Variants in PNPLA3 observed in about 807,000 individuals in gnomAD.
The protein encoded by PNPLA3 is patatin like domain 3, 1-acylglycerol-3-phosphate O-acyltransferase, also known as 1-acylglycerol-3-phosphate O-acyltransferase PNPLA3.
Under a neutral mutation model 43.1 loss-of-function variants are expected in PNPLA3, and 42 were observed. The ratio of observed to expected loss-of-function variants is 0.97; its 90% CI spans 0.76 to 1.26. The LOEUF (loss-of-function observed/expected upper bound fraction) is 1.26. Ranked by LOEUF, PNPLA3 falls within the 50% of genes most tolerant of loss-of-function variation. The probability of loss-of-function intolerance (pLI) is 0.00; values close to 1 mark genes in which losing one functional copy is unlikely to be tolerated. For synonymous variants in PNPLA3, 272 were observed against 253.6 expected, an observed-to-expected ratio of 1.07 and a Z score of -0.69; for missense variants, 647 against 621.4, an observed-to-expected ratio of 1.04 and a Z score of -0.44.
At chr22:43,938,206 A>G (rs2050008435) in intron 6 of PNPLA3, among the ~76,000 whole-genome samples, 1 of 152,212 alleles carries the variant, frequency 6.6e-6, no homozygotes. Context: ...AACACGGACT[A>G]AGTCAAACAG....
chr22:43,944,423 A>G (rs2050050228), intron 7 of PNPLA3, among the ~76,000 whole-genome samples: 1 of 152,084 alleles, frequency 6.6e-6, no homozygotes, highest in African/African-American at 2.4e-5. Flanking sequence ...GCTCCTCTCC[A>G]AGCTGGGAAG....
intron 7 of PNPLA3, 36 bp from the exon 8 acceptor site, chr22:43,944,655 A>C: frequency 6.5e-7 from 1 of 1,538,734 alleles, no homozygotes; most frequent in Non-Finnish European, 9.0e-7. Context: ...GTGTCTGCCT[A>C]TGTGTGTGTT....
chr22:43,944,590 G>A (rs9614292), intron 7 of PNPLA3, 101 bp from the exon 8 acceptor site: 2 of 913,778 alleles, frequency 2.2e-6, no homozygotes, highest in Non-Finnish European at 3.6e-6. Context: ...GAAGTCATCA[G>A]ATTGGAGGTG....
At chr22:43,943,755 G>C (rs1276401445) in intron 7 of PNPLA3, among the ~76,000 whole-genome samples, 1 of 151,936 alleles carries the variant, frequency 6.6e-6, no homozygotes, top group Non-Finnish European at 1.5e-5. Flanking sequence ...TGTTTACTTT[G>C]TTTTTAGTAA....
At chr22:43,927,705 G>A (rs2049934137) in intron 2 of PNPLA3, among the ~76,000 whole-genome samples, 1 of 151,944 alleles carries the variant, frequency 6.6e-6, no homozygotes, top group Non-Finnish European at 1.5e-5. Context: ...CTCCCAGGCT[G>A]GAGTGCAGTG....
intron 3 of PNPLA3, among the ~76,000 whole-genome samples, chr22:43,929,727 G>C (rs1389459813): frequency 6.6e-6 from 1 of 151,046 alleles, no homozygotes; most frequent in Non-Finnish European, 1.5e-5. Flanking sequence ...CTCCCGAGTA[G>C]CTGGGATTAC....
Position 43,946,476 on chromosome 22 carries a change from C to G in PNPLA3, c.*94C>G, listed in dbSNP as rs913043512. The G allele has an allele frequency of 8.2e-7, 1 of 1,220,900 alleles. No individual in the cohort carries two copies. Among genetic ancestry groups the G allele is most frequent in the Non-Finnish European group, 1.2e-6 (1 of 835,816 alleles). The allele number at this position is 1,220,900 out of a possible 1,614,324, so 75.6% of individuals were successfully genotyped here. A position where few individuals can be genotyped will look rare whatever the true frequency, so the allele number is the denominator to read the frequency against. On this transcript the variant is annotated 3_prime_UTR_variant, in exon 9 of 9. Coordinates refer to ENST00000216180, the MANE Select transcript of PNPLA3 (RefSeq NM_025225.3). ...CCTCCGCATTGCTGTGTAGTGACCC[C>G]TGCCTGTGACGTGGAGGATCCCAGC...
chr22:43,930,950 C>T (rs907163965), intron 3 of PNPLA3, among the ~76,000 whole-genome samples: 2 of 152,098 alleles, frequency 1.3e-5, no homozygotes, highest in African/African-American at 4.8e-5. Context: ...ACAGTGAAAC[C>T]TCATCTCTAC....
intron 1 of PNPLA3, 142 bp from the exon 2 acceptor site, chr22:43,926,793 T>C: frequency 1.5e-6 from 1 of 656,316 alleles, no homozygotes; most frequent in South Asian, 1.9e-5. Flanking sequence ...AAGGGCGTGA[T>C]AGCCACATGT....
Position 43,946,193 on chromosome 22 carries a change from C to T in PNPLA3, c.1257C>T (p.Cys419=). 1 of 1,614,180 alleles carries T rather than the reference C, an allele frequency of 6.2e-7. No homozygotes were observed. Among genetic ancestry groups the T allele is most frequent in the South Asian group, 1.1e-5 (1 of 91,078 alleles). Residue 419 remains cysteine (C), a synonymous_variant, in exon 9 of 9, where the codon TGC becomes TGT. Transcript: ENST00000216180. ...TGAGCAGCCAACAGGCCTCCCCATG[C>T]ACACCTGAGCAGGACTGGCCCTGCT... is the stretch of plus-strand genomic sequence containing the variant. ...MPVSSQQASP[C]TPEQDWPCWT...
In PNPLA3 at chr22:43,936,492, G is replaced by A. The variant is rs575976581; in HGVS notation, c.758-559G>A. On this transcript the variant is annotated intron_variant, in intron 5 of 8. Coordinates refer to ENST00000216180, the MANE Select transcript of PNPLA3 (RefSeq NM_025225.3). The stretch of plus-strand genomic sequence containing the variant: ...TGGCTGAGTCCCAGCACCCAGGACA[G>A]GGCCTGGCACATACTGGTGCCCAAT... Among the ~76,000 whole-genome samples, 10 of 152,314 alleles carry A rather than the reference G, an allele frequency of 6.6e-5. No individual in the cohort carries two copies. The South Asian group carries it at 2.1e-3, about 32-fold the overall frequency.
At chr22:43,936,295 T>C (rs1437171496) in intron 5 of PNPLA3, among the ~76,000 whole-genome samples, 4 of 151,904 alleles carry the variant, frequency 2.6e-5, no homozygotes, top group Non-Finnish European at 5.9e-5. Context: ...CAAGCATGAA[T>C]GTGAGGTTAT....
In PNPLA3 at chr22:43,946,500, G is replaced by A; in HGVS notation, c.*118G>A. The A allele has an allele frequency of 9.8e-7, 1 of 1,022,640 alleles. No individual in the cohort carries two copies. Among genetic ancestry groups the A allele is most frequent in the Non-Finnish European group, 1.5e-6 (1 of 666,108 alleles). The allele number at this position is 1,022,640 out of a possible 1,614,324, so 63.3% of individuals were successfully genotyped here. A position where few individuals can be genotyped will look rare whatever the true frequency, so the allele number is the denominator to read the frequency against. Reference sequence around the variant, plus strand: ...CCTGCCTGTGACGTGGAGGATCCCAGCCTCTGAGCTGAGTTGGTTTTATGA... The same window carrying A: ...CCTGCCTGTGACGTGGAGGATCCCAACCTCTGAGCTGAGTTGGTTTTATGA... On this transcript the variant is annotated 3_prime_UTR_variant, in exon 9 of 9. Coordinates refer to ENST00000216180, the MANE Select transcript of PNPLA3 (RefSeq NM_025225.3).
chr22:43,927,055 C>T lies in PNPLA3; in HGVS notation c.308C>T (p.Pro103Leu), dbSNP rs561981769. Residue 103 changes from proline to leucine, a missense_variant, in exon 2 of 9, where the codon CCG becomes CTG. Pro to Leu is a moderately conservative substitution (Grantham distance 98, BLOSUM62 -3). Transcript: ENST00000216180. ...CGACAGGGTCTCTGCAAATGCCTCCCGGCCAATGTCCACCAGCTCATCTCC... is the reference window on the plus strand; with the variant it reads ...CGACAGGGTCTCTGCAAATGCCTCCTGGCCAATGTCCACCAGCTCATCTCC... ...FLRQGLCKCL[P>L]ANVHQLISGK... 16 of 1,614,116 alleles carry T rather than the reference C, an allele frequency of 9.9e-6. No individual in the cohort carries two copies. The highest frequency in any genetic ancestry group is 4.4e-5 in the South Asian group (4 of 91,088).
chr22:43,928,206 T>G (rs1448180830), intron 2 of PNPLA3, among the ~76,000 whole-genome samples: 2 of 152,244 alleles, frequency 1.3e-5, no homozygotes, highest in African/African-American at 2.4e-5. Flanking sequence ...AGTTGCATCC[T>G]CTGTTTAACC....
At chr22:43,929,344 T>C (rs1247542322) in intron 3 of PNPLA3, among the ~76,000 whole-genome samples, 1 of 151,682 alleles carries the variant, frequency 6.6e-6, no homozygotes, top group East Asian at 2.0e-4. Flanking sequence ...GGCATGGTGG[T>C]GTGCACCTGT....
At position 43,932,862 on chromosome 22, in the gene PNPLA3, T is replaced by C. The variant is rs199682583; in HGVS notation, c.487-16T>C. On this transcript the variant is annotated splice_polypyrimidine_tract_variant and intron_variant, in intron 3 of 8. Transcript: ENST00000216180. ...AGCTTCAGACAGTGCCAGTCCTTTTTCCCCTTCTTTAAAAGCGATATGTGG... is the reference window on the plus strand; with the variant it reads ...AGCTTCAGACAGTGCCAGTCCTTTTCCCCCTTCTTTAAAAGCGATATGTGG... 4.7e-4 allele frequency: 755 copies of C among 1,612,724 alleles called. No homozygotes were observed. Among genetic ancestry groups the C allele is most frequent in the Non-Finnish European group, 6.0e-4 (705 of 1,178,810 alleles).
In PNPLA3 at chr22:43,932,971, T is replaced by G; in HGVS notation, c.580T>G (p.Cys194Gly). 1 of 1,614,192 alleles carries G rather than the reference T, an allele frequency of 6.2e-7. No homozygotes were observed. The highest frequency in any genetic ancestry group is 8.5e-7 in the Non-Finnish European group (1 of 1,180,020). The change falls in exon 4 of 9, where the codon TGC (cysteine) becomes GGC (glycine). Residue 194 changes from cysteine (C) to glycine (G), a missense_variant. By Grantham distance (159) the Cys-to-Gly change is radical. Coordinates refer to ENST00000216180, the MANE Select transcript of PNPLA3 (RefSeq NM_025225.3). ...CCCCTTCTATGGGGAGTACGACATC[T>G]GCCCTAAAGTCAAGTCCACGAACTT... ...VSPFYGEYDI[C>G]PKVKSTNFLH... is the part of the protein sequence containing the mutation.
chr22:43,931,196 G>A (rs775120291), intron 3 of PNPLA3, among the ~76,000 whole-genome samples: 4 of 152,144 alleles, frequency 2.6e-5, no homozygotes, highest in Non-Finnish European at 4.4e-5. Flanking sequence ...ATAGAGGCCC[G>A]AGATGCTGTG....
Sources: gnomAD v4.1 joint callset for allele counts (sites outside exome capture counted in the v4.1 genomes callset) on GRCh38, gnomAD v4.1.1 for gene constraint, MANE v1.5 for transcripts, NCBI Gene and HGNC (gene_info 2026-07-23, HGNC 2026-07-21) for gene names.